FAT3: variants seen among roughly 807,000 people sequenced by gnomAD.
FAT3 encodes protocadherin Fat 3.
A neutral mutation model predicts 310.2 loss-of-function variants in FAT3; 95 were observed. The ratio of observed to expected loss-of-function variants is 0.31; its 90% CI spans 0.26 to 0.36. The LOEUF (loss-of-function observed/expected upper bound fraction) is 0.36. Among genes scored for constraint, FAT3 ranks in the 10% least tolerant of loss-of-function variants. The probability of loss-of-function intolerance (pLI) is 1.00; values close to 1 mark genes in which losing one functional copy is unlikely to be tolerated. For missense variants in FAT3, 5,408 were observed against 5,715.6 expected (o/e 0.95, Z 1.74); for synonymous variants, 2,314 against 2,192.9 (o/e 1.06, Z -1.54).
intron 4 of FAT3, among the ~76,000 whole-genome samples, chr11:92,741,121 AGCCTGC>A (rs1945495514): frequency 6.6e-6 from 1 of 152,204 alleles, no homozygotes; most frequent in Non-Finnish European, 1.5e-5. Flanking sequence ...AGCTCACTGC[AGCCTGC>A]ACTTTTTGTG....
chr11:92,651,631 G>T (rs1283004364), intron 3 of FAT3, among the ~76,000 whole-genome samples: 1 of 152,104 alleles, frequency 6.6e-6, no homozygotes, highest in African/African-American at 2.4e-5. Context: ...TGAGTCAAGG[G>T]TGCACAATAA....
intron 3 of FAT3, among the ~76,000 whole-genome samples, chr11:92,606,004 G>T (rs902349741): frequency 2.6e-5 from 4 of 152,076 alleles, no homozygotes; most frequent in African/African-American, 9.7e-5. Flanking sequence ...AAAAACTCAT[G>T]TTCTCTCCTC....
At chr11:92,506,688 A>G (rs1297139750) in intron 2 of FAT3, among the ~76,000 whole-genome samples, 1 of 152,164 alleles carries the variant, frequency 6.6e-6, no homozygotes, top group Non-Finnish European at 1.5e-5. Context: ...CATTATGAGC[A>G]GTGCTTAAAT....
intron 1 of FAT3, among the ~76,000 whole-genome samples, chr11:92,311,022 A>ATG (rs904085983): frequency 3.3e-5 from 5 of 151,574 alleles, no homozygotes; most frequent in African/African-American, 9.7e-5. Context: ...ATACACATAT[A>ATG]TGTATATATA....
chr11:92,485,798 C>G (rs537137563), intron 2 of FAT3, among the ~76,000 whole-genome samples: 1 of 152,246 alleles, frequency 6.6e-6, no homozygotes, highest in African/African-American at 2.4e-5. Flanking sequence ...TTTATGCAGC[C>G]TAAGAATTGT....
At chr11:92,458,648 T>C (rs551624178) in intron 2 of FAT3, among the ~76,000 whole-genome samples, 1 of 152,312 alleles carries the variant, frequency 6.6e-6, no homozygotes, top group East Asian at 1.9e-4. Context: ...GTGTGGAGCA[T>C]TGTGACTGTT....
intron 2 of FAT3, among the ~76,000 whole-genome samples, chr11:92,473,126 A>T (rs1759898432): frequency 6.6e-6 from 1 of 152,146 alleles, no homozygotes; most frequent in Non-Finnish European, 1.5e-5. Flanking sequence ...CTATCTACAC[A>T]TGGCAGCCTT....
Position 92,697,496 on chromosome 11 carries a change from T to A in FAT3, c.3669+51T>A, listed in dbSNP as rs79390114. ...TCATTAAAACTGACTTTCACTAAAC[T>A]TCTTTAACCTTCAACATAAACTACA... On this transcript the variant is annotated intron_variant, in intron 4 of 27. Coordinates refer to ENST00000525166, the MANE Select transcript of FAT3 (RefSeq NM_001367949.2). 16,521 of 1,527,866 alleles carry A rather than the reference T, an allele frequency of 0.011. 915 individuals carry two copies. The East Asian group carries it at 0.19, about 17-fold the overall frequency. 94.6% of individuals were successfully genotyped at this position (1,527,866 alleles called of 1,614,324 possible). A position where few individuals can be genotyped will look rare whatever the true frequency, so the allele number is the denominator to read the frequency against.
At chr11:92,228,672 C>G (rs927906110) in intron 1 of FAT3, among the ~76,000 whole-genome samples, 1 of 152,150 alleles carries the variant, frequency 6.6e-6, no homozygotes. Flanking sequence ...GTGGCTGTTG[C>G]GTTGTTATGC....
At chr11:92,570,949 G>A (rs1206270536) in intron 3 of FAT3, among the ~76,000 whole-genome samples, 3 of 152,162 alleles carry the variant, frequency 2.0e-5, no homozygotes, top group African/African-American at 7.2e-5. Flanking sequence ...CCATGGAATT[G>A]CTGTGGGGAT....
intron 3 of FAT3, among the ~76,000 whole-genome samples, chr11:92,533,093 GC>G (rs1954135407): frequency 1.3e-5 from 2 of 152,156 alleles, no homozygotes; most frequent in South Asian, 2.1e-4. Flanking sequence ...GAGTGCAGTA[GC>G]ATGATCATAG....
In FAT3 at chr11:92,338,761, G is replaced by A. The variant is rs188697617; in HGVS notation, c.-17-13335G>A. Reference sequence around the variant, plus strand: ...ACATTAGTCCTTGGGAACAAACGGGGATTCTAGCTGTCAAGGTGACTGATG... The same window carrying A: ...ACATTAGTCCTTGGGAACAAACGGGAATTCTAGCTGTCAAGGTGACTGATG... On this transcript the variant is annotated intron_variant, in intron 1 of 27. Coordinates refer to ENST00000525166, the MANE Select transcript of FAT3 (RefSeq NM_001367949.2). Among the ~76,000 whole-genome samples, 13 of 152,304 alleles carry A rather than the reference G, an allele frequency of 8.5e-5. No individual in the cohort carries two copies. In the East Asian group the frequency reaches 1.9e-3, roughly 23 times the overall value.
In FAT3 at chr11:92,345,533, G is replaced by A. The variant is rs187783034; in HGVS notation, c.-17-6563G>A. Among the ~76,000 whole-genome samples, 396 of 152,228 alleles carry A rather than the reference G, an allele frequency of 2.6e-3. 2 individuals are homozygous for A. The highest frequency in any genetic ancestry group is 5.2e-3 in the Admixed American group (80 of 15,280). ...TCAACAGAGTCAGAAACTCTGCAGT[G>A]GTACCCCCAAATCTGAAATTTAACA... is the stretch of plus-strand genomic sequence containing the variant. On this transcript the variant is annotated intron_variant, in intron 1 of 27. Transcript: ENST00000525166.
intron 3 of FAT3, among the ~76,000 whole-genome samples, chr11:92,597,704 G>A (rs1939782375): frequency 6.6e-6 from 1 of 152,116 alleles, no homozygotes; most frequent in African/African-American, 2.4e-5. Context: ...AAAATGAAAT[G>A]ACCCAGGGAT....
At chr11:92,738,636 G>A (rs976480882) in intron 4 of FAT3, among the ~76,000 whole-genome samples, 1 of 152,164 alleles carries the variant, frequency 6.6e-6, no homozygotes, top group African/African-American at 2.4e-5. Flanking sequence ...TAAACAATAC[G>A]ATTCTTTGAT....
At chr11:92,289,536 C>T (rs2845868) in intron 1 of FAT3, among the ~76,000 whole-genome samples, 4 of 127,666 alleles carry the variant, frequency 3.1e-5, no homozygotes, top group African/African-American at 6.4e-5. Context: ...CACACACACA[C>T]ATATATATGT....
chr11:92,516,937 C>T lies in FAT3; in HGVS notation c.3293-7697C>T, dbSNP rs922240029. On this transcript the variant is annotated intron_variant, in intron 2 of 27. Transcript: ENST00000525166. Reference sequence around the variant, plus strand: ...CACAACTGACAAGGGATGTGAAGGCCCTCTTCAAGGAGAAGTACACACCAC... The same window carrying T: ...CACAACTGACAAGGGATGTGAAGGCTCTCTTCAAGGAGAAGTACACACCAC... Among the ~76,000 whole-genome samples the T allele has an allele frequency of 1.1e-4, 16 of 152,030 alleles. 1 individual carries two copies. The highest frequency in any genetic ancestry group is 1.0e-3 in the Admixed American group (16 of 15,260).
At chr11:92,500,220 G>A (rs1952894218) in intron 2 of FAT3, among the ~76,000 whole-genome samples, 2 of 151,834 alleles carry the variant, frequency 1.3e-5, no homozygotes, top group African/African-American at 4.8e-5. Context: ...TTCCCTTTAA[G>A]GATGAATTCC....
chr11:92,377,320 A>T (rs1182964864), intron 2 of FAT3, among the ~76,000 whole-genome samples: 1 of 152,220 alleles, frequency 6.6e-6, no homozygotes, highest in Non-Finnish European at 1.5e-5. Context: ...AAATGAGGAT[A>T]CTGAGGTGTG....
Sources: gnomAD v4.1 joint callset for allele counts (sites outside exome capture counted in the v4.1 genomes callset) on GRCh38, gnomAD v4.1.1 for gene constraint, MANE v1.5 for transcripts, NCBI Gene and HGNC (gene_info 2026-07-23, HGNC 2026-07-21) for gene names.